The following TAF1A variants were observed in gnomAD, a reference collection of about 807,000 sequenced individuals.
The protein encoded by TAF1A is TATA box-binding protein-associated factor RNA polymerase I subunit A.
In TAF1A, 42 loss-of-function variants were observed where a neutral mutation model predicts 61.6. The observed-to-expected ratio is 0.68, with a 90% CI of 0.53 to 0.88. The LOEUF (loss-of-function observed/expected upper bound fraction) is 0.88, where lower values mean the gene tolerates loss of function less well. TAF1A is among the 40% of genes least tolerant of loss of function. The pLI, the probability that TAF1A is intolerant of heterozygous loss-of-function variation, is 0.00. For synonymous variants in TAF1A, 179 were observed against 177.7 expected, an observed-to-expected ratio of 1.01 and a Z score of -0.06; for missense variants, 424 against 518.7, an observed-to-expected ratio of 0.82 and a Z score of 1.77.
intron 3 of TAF1A, 109 bp from the exon 4 acceptor site, chr1:222,579,981 CA>C: frequency 7.8e-7 from 1 of 1,283,102 alleles, no homozygotes; most frequent in East Asian, 2.5e-5. Context: ...ATTCCTTTTC[CA>C]GAGACCACTA....
chr1:222,569,244 T>G, intron 7 of TAF1A: 1 of 1,271,486 alleles, frequency 7.9e-7, no homozygotes, highest in Non-Finnish European at 1.0e-6. Flanking sequence ...AAGTTGATTT[T>G]CAAAAAATAT....
At chr1:222,558,827 A>G (rs550404756) in intron 10 of TAF1A, 55 bp from the exon 11 acceptor site, 137 of 823,482 alleles carry the variant, frequency 1.7e-4, no homozygotes, top group African/African-American at 1.2e-3. Context: ...TTTCAAGTAT[A>G]TTTCTACATT....
rs17464254 is a variant in TAF1A at position 222,564,139 on chromosome 1, C to G, written c.895-14G>C. 152,923 of 1,516,742 alleles carry G rather than the reference C, an allele frequency of 0.1. 8,650 individuals are homozygous for G. The highest frequency in any genetic ancestry group is 0.15 in the South Asian group (12,768 of 85,216). The allele number at this position is 1,516,742 out of a possible 1,614,324, so 94.0% of individuals were successfully genotyped here. A position where few individuals can be genotyped will look rare whatever the true frequency, so the allele number is the denominator to read the frequency against. ...CTGATACAAAATCTGAAAGAAAGAACAGTCTTGTAATCTTTACATACTTGT... is the reference window on the plus strand; with the variant it reads ...CTGATACAAAATCTGAAAGAAAGAAGAGTCTTGTAATCTTTACATACTTGT... On this transcript the variant is annotated splice_polypyrimidine_tract_variant and intron_variant, in intron 7 of 10. Coordinates refer to ENST00000352967, the MANE Select transcript of TAF1A (RefSeq NM_005681.4).
Position 222,564,075 on chromosome 1 carries a change from T to C in TAF1A, c.945A>G (p.Thr315=), listed in dbSNP as rs1185916716. 1 of 1,550,756 alleles carries C rather than the reference T, an allele frequency of 6.4e-7. No homozygotes were observed. Among genetic ancestry groups the C allele is most frequent in the Admixed American group, 1.7e-5 (1 of 58,664 alleles). Residue 315 remains threonine (T), a synonymous_variant, in exon 8 of 11, where the codon ACA becomes ACG. Coordinates refer to ENST00000352967, the MANE Select transcript of TAF1A (RefSeq NM_005681.4). ...PSHKLMLEFH[T]LLRKSEKEEH... Reference sequence around the variant, plus strand: ...ATTTATTACCTGATTTTCTAAGTAATGTATGGAATTCCAACATCAATTTAT... The same window carrying C: ...ATTTATTACCTGATTTTCTAAGTAACGTATGGAATTCCAACATCAATTTAT...
chr1:222,583,485 T>C (rs1475761480), intron 3 of TAF1A, among the ~76,000 whole-genome samples: 1 of 151,658 alleles, frequency 6.6e-6, no homozygotes, highest in African/African-American at 2.4e-5. Flanking sequence ...GAAGTTTTGC[T>C]GAAAGAGAGT....
chr1:222,555,137 A>G (rs867904641), downstream of TAF1A, among the ~76,000 whole-genome samples: 16 of 152,204 alleles, frequency 1.1e-4, no homozygotes, highest in Non-Finnish European at 2.4e-4. Context: ...AAGGTCAAAG[A>G]TAAGTGCTAG....
chr1:222,571,596 A>G (rs775439743), intron 5 of TAF1A, among the ~76,000 whole-genome samples: 1 of 152,072 alleles, frequency 6.6e-6, no homozygotes, highest in Non-Finnish European at 1.5e-5. Flanking sequence ...ATGAACAAGC[A>G]GAAGATAAAA....
At chr1:222,559,604 A>G (rs1311519408) in intron 10 of TAF1A, among the ~76,000 whole-genome samples, 2 of 152,224 alleles carry the variant, frequency 1.3e-5, no homozygotes, top group African/African-American at 4.8e-5. Context: ...GAGAAAATGC[A>G]AGGACATATA....
At chr1:222,563,973 G>A in intron 8 of TAF1A, 86 bp downstream of exon 8, 1 of 786,098 alleles carries the variant, frequency 1.3e-6, no homozygotes, top group Non-Finnish European at 2.2e-6. Flanking sequence ...GGAAAGGGGT[G>A]GATTTAGCCG....
In TAF1A at chr1:222,577,480, G is replaced by A. The variant is rs749546535; in HGVS notation, c.569C>T (p.Thr190Ile). Reference protein sequence around the residue: ...QAYKGLLQYYTWSEKKMELSK... With the variant: ...QAYKGLLQYYIWSEKKMELSK... ...CAATTCCATCTTCTTTTCAGACCAGGTATAATACTGTAAAAGCCCTTTATA... is the reference window on the plus strand; with the variant it reads ...CAATTCCATCTTCTTTTCAGACCAGATATAATACTGTAAAAGCCCTTTATA... Residue 190 changes from threonine to isoleucine, a missense_variant, in exon 5 of 11, where the codon ACC (threonine) becomes ATC (isoleucine). By Grantham distance (89) the Thr-to-Ile change is moderately conservative (BLOSUM62 -1). Transcript: ENST00000352967. 4.3e-6 allele frequency: 7 copies of A among 1,613,776 alleles called. No homozygotes were observed. The Admixed American group carries it at 1.0e-4, about 23-fold the overall frequency.
At chr1:222,581,308 C>T (rs1421417596) in intron 3 of TAF1A, among the ~76,000 whole-genome samples, 1 of 152,138 alleles carries the variant, frequency 6.6e-6, no homozygotes, top group Non-Finnish European at 1.5e-5. Flanking sequence ...GAGTATGTAA[C>T]TTAAGTCCAT....
At chr1:222,565,885 G>C (rs927383250) in intron 7 of TAF1A, among the ~76,000 whole-genome samples, 1 of 152,072 alleles carries the variant, frequency 6.6e-6, no homozygotes, top group Non-Finnish European at 1.5e-5. Flanking sequence ...CAACAGCAAA[G>C]GATTGTTTAG....
chr1:222,565,159 T>C (rs1660066646), intron 7 of TAF1A, among the ~76,000 whole-genome samples: 1 of 152,236 alleles, frequency 6.6e-6, no homozygotes, highest in Non-Finnish European at 1.5e-5. Context: ...GCCCTTCAAA[T>C]GCCAGTGTTT....
Position 222,584,185 on chromosome 1 carries a change from G to A in TAF1A, c.234C>T (p.Tyr78=), listed in dbSNP as rs1487053403. 1 of 1,612,860 alleles carries A rather than the reference G, an allele frequency of 6.2e-7. No homozygotes were observed. The highest frequency in any genetic ancestry group is 1.1e-5 in the South Asian group (1 of 90,926). The change falls in exon 3 of 11, where the codon TAC becomes TAT. Residue 78 remains tyrosine (Y), a synonymous_variant. Coordinates refer to ENST00000352967, the MANE Select transcript of TAF1A (RefSeq NM_005681.4). ...HQWQQAAEYM[Y]SYFQTLEDSD... ...AATCTTCCAAGGTCTGAAAATAACT[G>A]TACATGTATTCTGCAGCTTGCTGCC...
chr1:222,580,647 A>G (rs1440813892), intron 3 of TAF1A, among the ~76,000 whole-genome samples: 2 of 152,026 alleles, frequency 1.3e-5, no homozygotes, highest in African/African-American at 4.8e-5. Context: ...CATCTTCCCA[A>G]CTCAGAGATA....
chr1:222,588,047 C>CAA (rs35158634), intron 2 of TAF1A, among the ~76,000 whole-genome samples: 8 of 134,060 alleles, frequency 6.0e-5, no homozygotes, highest in East Asian at 2.1e-4. Context: ...GACTCTGTCT[C>CAA]AAAAAAAAAA....
intron 6 of TAF1A, among the ~76,000 whole-genome samples, chr1:222,569,931 T>A (rs1660281788): frequency 1.3e-5 from 2 of 152,198 alleles, no homozygotes; most frequent in African/African-American, 4.8e-5. Flanking sequence ...GTGCCCTACA[T>A]CACTGCAGCC....
chr1:222,584,894 T>G (rs1660951479), intron 2 of TAF1A, among the ~76,000 whole-genome samples: 1 of 152,244 alleles, frequency 6.6e-6, no homozygotes, highest in Non-Finnish European at 1.5e-5. Context: ...CTTCTTATCT[T>G]CCCACGTAAC....
At chr1:222,555,154 T>C (rs1181233700), downstream of TAF1A, among the ~76,000 whole-genome samples, 2 of 152,050 alleles carry the variant, frequency 1.3e-5, no homozygotes, top group African/African-American at 2.4e-5. Context: ...CTAGGGAGGA[T>C]GAAGAGAAGA....
Sources: gnomAD v4.1 joint callset for allele counts (sites outside exome capture counted in the v4.1 genomes callset) on GRCh38, gnomAD v4.1.1 for gene constraint, MANE v1.5 for transcripts, NCBI Gene and HGNC (gene_info 2026-07-23, HGNC 2026-07-21) for gene names.